NPAS3: variants seen among roughly 807,000 people sequenced by gnomAD.
NPAS3 encodes neuronal PAS domain protein 3, also known as neuronal PAS domain-containing protein 3.
A neutral mutation model predicts 73.1 loss-of-function variants in NPAS3; 14 were observed. The observed-to-expected ratio is 0.19, with a 90% confidence interval of 0.13 to 0.30. NPAS3 has a LOEUF of 0.30. Among genes scored for constraint, NPAS3 ranks in the 10% least tolerant of loss-of-function variants. The probability of loss-of-function intolerance (pLI) is 1.00; values close to 1 mark genes in which losing one functional copy is unlikely to be tolerated. For synonymous variants in NPAS3, 620 were observed against 541.5 expected, an observed-to-expected ratio of 1.14 and a Z score of -2.01; for missense variants, 1,096 against 1,250.0, an observed-to-expected ratio of 0.88 and a Z score of 1.86.
chr14:33,326,479 T>G (rs2043712028), intron 3 of NPAS3, among the ~76,000 whole-genome samples: 1 of 152,222 alleles, frequency 6.6e-6, no homozygotes, highest in Admixed American at 6.5e-5. Context: ...TCTCCTTATC[T>G]GAGAAATGGG....
intron 4 of NPAS3, among the ~76,000 whole-genome samples, chr14:33,447,748 T>C (rs956172637): frequency 2.6e-5 from 4 of 152,042 alleles, no homozygotes; most frequent in African/African-American, 9.7e-5. Flanking sequence ...ATCTTGTCTC[T>C]ACAAAATATA....
chr14:33,299,513 C>A (rs2042439873), intron 3 of NPAS3, among the ~76,000 whole-genome samples: 1 of 152,128 alleles, frequency 6.6e-6, no homozygotes. Flanking sequence ...GTAGAAAGAG[C>A]TGGGAGATGG....
At chr14:33,367,290 G>A (rs770740101) in intron 4 of NPAS3, 22 bp downstream of exon 4, 7 of 829,718 alleles carry the variant, frequency 8.4e-6, no homozygotes, top group South Asian at 1.5e-5. Context: ...ACAAAAAGAA[G>A]CTTTCTTATA....
At chr14:33,278,504 T>TA (rs3058293) in intron 3 of NPAS3, among the ~76,000 whole-genome samples, 195 of 139,680 alleles carry the variant, frequency 1.4e-3, no homozygotes, top group South Asian at 3.2e-3. Context: ...AGAAGCCAAG[T>TA]AAAAAAAAAA....
At chr14:33,624,694 T>A (rs1458517020) in intron 5 of NPAS3, among the ~76,000 whole-genome samples, 1 of 152,116 alleles carries the variant, frequency 6.6e-6, no homozygotes, top group African/African-American at 2.4e-5. Flanking sequence ...ATCCTTATAT[T>A]TTGGTAAATT....
intron 3 of NPAS3, among the ~76,000 whole-genome samples, chr14:33,321,674 C>T (rs1458504782): frequency 6.6e-6 from 1 of 151,990 alleles, no homozygotes; most frequent in Admixed American, 6.6e-5. Context: ...AGTTAAAGAT[C>T]ATCCCAGCGT....
rs576742259 is a variant in NPAS3, at chr14:32,959,854, C to A, written c.50+20488C>A. 3.2e-4 allele frequency among the ~76,000 whole-genome samples: 49 copies of A among 152,272 alleles called. 1 individual carries two copies. In the South Asian group the frequency reaches 0.01, roughly 32 times the overall value. ...GTATCTATGTTCTTTCTATGCCCAC[C>A]TATACCCACAAAGAGGGGATATGCT... On this transcript the variant is annotated intron_variant, in intron 1 of 11. Coordinates refer to ENST00000356141, the Ensembl canonical transcript of NPAS3.
At chr14:33,334,028 T>C (rs2044102771) in intron 3 of NPAS3, among the ~76,000 whole-genome samples, 1 of 152,154 alleles carries the variant, frequency 6.6e-6, no homozygotes, top group African/African-American at 2.4e-5. Context: ...AAATTCTTAA[T>C]GTTGAATATG....
rs140319699 is a variant in NPAS3, at chr14:33,440,203, C to G, written c.468+72935C>G. 1.2e-3 allele frequency among the ~76,000 whole-genome samples: 175 copies of G among 152,090 alleles called. 1 individual carries two copies. Among genetic ancestry groups the G allele is most frequent in the African/African-American group, 3.9e-3 (163 of 41,502 alleles). On this transcript the variant is annotated intron_variant, in intron 4 of 11. Coordinates refer to ENST00000356141, the Ensembl canonical transcript of NPAS3. ...GAACCTGTGAAATTACCCAGCTCCTCATGTTACAAATGAGCATACTGAGAA... is the reference window on the plus strand; with the variant it reads ...GAACCTGTGAAATTACCCAGCTCCTGATGTTACAAATGAGCATACTGAGAA...
chr14:32,997,155 T>G (rs1375969606), intron 1 of NPAS3, among the ~76,000 whole-genome samples: 1 of 152,244 alleles, frequency 6.6e-6, no homozygotes, highest in Admixed American at 6.5e-5. Flanking sequence ...GCATGGGGCC[T>G]GTAGCCCCTT....
intron 5 of NPAS3, among the ~76,000 whole-genome samples, chr14:33,631,559 G>GTT (rs1400931451): frequency 1.3e-5 from 2 of 152,192 alleles, no homozygotes; most frequent in Admixed American, 1.3e-4. Context: ...TACACTGACA[G>GTT]TTTCTCCCAC....
At chr14:33,231,850 A>G (rs2047863735) in intron 3 of NPAS3, among the ~76,000 whole-genome samples, 1 of 152,180 alleles carries the variant, frequency 6.6e-6, no homozygotes, top group Non-Finnish European at 1.5e-5. Context: ...TCCAAATGAA[A>G]TGCATTCACT....
At chr14:33,112,414 T>C (rs912040949) in intron 2 of NPAS3, among the ~76,000 whole-genome samples, 8 of 152,202 alleles carry the variant, frequency 5.3e-5, no homozygotes, top group Non-Finnish European at 1.0e-4. Context: ...ATTTCTCTGA[T>C]GGCCAGTGAT....
At chr14:33,145,250 A>C (rs10147774) in intron 2 of NPAS3, among the ~76,000 whole-genome samples, 84,232 of 151,914 alleles carry the variant, frequency 0.55, 24,091 homozygotes, top group East Asian at 0.63. Flanking sequence ...GGCATTTAGG[A>C]ATGTCTTTCT....
chr14:33,786,215 C>A (rs1384214321), intron 9 of NPAS3, among the ~76,000 whole-genome samples: 1 of 152,152 alleles, frequency 6.6e-6, no homozygotes, highest in Non-Finnish European at 1.5e-5. Flanking sequence ...GAGCAGACGA[C>A]CAACAATGAC....
intron 2 of NPAS3, among the ~76,000 whole-genome samples, chr14:33,092,259 C>G (rs527635835): frequency 1.4e-5 from 2 of 145,276 alleles, no homozygotes; most frequent in African/African-American, 2.7e-5. Context: ...AGCTGTTAAG[C>G]AACTTCAGCA....
intron 4 of NPAS3, among the ~76,000 whole-genome samples, chr14:33,396,824 A>G (rs1187097605): frequency 6.7e-6 from 1 of 149,830 alleles, no homozygotes; most frequent in Non-Finnish European, 1.5e-5. Context: ...TGCAATGTGT[A>G]CATATATTAT....
chr14:33,051,033 G>T (rs546326133), intron 1 of NPAS3, among the ~76,000 whole-genome samples: 27 of 152,116 alleles, frequency 1.8e-4, no homozygotes, highest in Admixed American at 1.7e-3. Context: ...CCAGCACTTT[G>T]GGAGGCCGAG....
At chr14:33,461,112 T>C (rs757576783) in intron 4 of NPAS3, among the ~76,000 whole-genome samples, 20 of 152,226 alleles carry the variant, frequency 1.3e-4, no homozygotes, top group Non-Finnish European at 2.4e-4. Flanking sequence ...ACTCCTGCCA[T>C]TTATTTATTT....
Sources: gnomAD v4.1 joint callset for allele counts (sites outside exome capture counted in the v4.1 genomes callset) on GRCh38, gnomAD v4.1.1 for gene constraint, MANE v1.5 for transcripts, NCBI Gene and HGNC (gene_info 2026-07-23, HGNC 2026-07-21) for gene names.